NELL1: variants seen among roughly 807,000 people sequenced by gnomAD.
The protein encoded by NELL1 is neural EGFL like 1.
In NELL1, 76 loss-of-function variants were observed where a neutral mutation model predicts 107.4. That is an observed-to-expected ratio of 0.71 (90% confidence interval 0.59 to 0.86). The LOEUF is 0.86. NELL1 is among the 40% of genes least tolerant of loss of function. The probability of loss-of-function intolerance (pLI) is 0.00; values close to 1 mark genes in which losing one functional copy is unlikely to be tolerated. For synonymous variants in NELL1, 353 were observed against 341.2 expected (o/e 1.03, Z -0.38); for missense variants, 1,024 against 1,005.5 (o/e 1.02, Z -0.25).
intron 15 of NELL1, among the ~76,000 whole-genome samples, chr11:21,400,946 T>C (rs140217266): frequency 0.01 from 1,558 of 151,970 alleles, 30 homozygotes; most frequent in African/African-American, 0.035. Flanking sequence ...ATCTGGCCTG[T>C]GTCAGTTACA....
intron 3 of NELL1, among the ~76,000 whole-genome samples, chr11:20,797,626 A>G (rs1052213407): frequency 2.7e-5 from 4 of 150,622 alleles, no homozygotes; most frequent in African/African-American, 9.7e-5. Flanking sequence ...TCGAGATCCT[A>G]GATAAGAGGA....
At chr11:21,275,557 A>G (rs1848836183) in intron 14 of NELL1, among the ~76,000 whole-genome samples, 2 of 152,260 alleles carry the variant, frequency 1.3e-5, no homozygotes, top group African/African-American at 4.8e-5. Context: ...TTATGAGGCC[A>G]GCATCATCCT....
chr11:21,063,907 G>T (rs1030910736), intron 12 of NELL1, among the ~76,000 whole-genome samples: 1 of 152,202 alleles, frequency 6.6e-6, no homozygotes, highest in African/African-American at 2.4e-5. Flanking sequence ...AAAACAGATT[G>T]TCAGTGTTGG....
At chr11:21,286,914 G>C (rs1310176912) in intron 14 of NELL1, among the ~76,000 whole-genome samples, 1 of 152,054 alleles carries the variant, frequency 6.6e-6, no homozygotes, top group Non-Finnish European at 1.5e-5. Flanking sequence ...GGTTGATACC[G>C]CTACACTTTT....
intron 14 of NELL1, among the ~76,000 whole-genome samples, chr11:21,264,071 G>GGTGTGTGTGTGT (rs10525326): frequency 0.28 from 39,092 of 139,324 alleles, 5,828 homozygotes; most frequent in Non-Finnish European, 0.36. Flanking sequence ...TCTACAATGG[G>GGTGTGTGTGTGT]GTGTGTGTGT....
chr11:21,335,952 T>G (rs994637342), intron 14 of NELL1, among the ~76,000 whole-genome samples: 1 of 152,132 alleles, frequency 6.6e-6, no homozygotes, highest in Non-Finnish European at 1.5e-5. Context: ...GGCCTTAACA[T>G]AGTTTACTAC....
chr11:21,462,488 C>A (rs1407019643), intron 15 of NELL1, among the ~76,000 whole-genome samples: 1 of 151,938 alleles, frequency 6.6e-6, no homozygotes, highest in Admixed American at 6.6e-5. Flanking sequence ...GTTAAGAAGT[C>A]TCCCCTATTG....
chr11:20,938,997 A>G (rs1245016865), intron 10 of NELL1, among the ~76,000 whole-genome samples: 5 of 151,378 alleles, frequency 3.3e-5, no homozygotes, highest in Non-Finnish European at 5.9e-5. Flanking sequence ...GCAGCTGTGC[A>G]TTTCCAAAGG....
At chr11:21,208,981 T>C (rs928412799) in intron 13 of NELL1, among the ~76,000 whole-genome samples, 2 of 152,140 alleles carry the variant, frequency 1.3e-5, no homozygotes, top group African/African-American at 2.4e-5. Flanking sequence ...CAATAACTTT[T>C]TGGGCTAGAT....
chr11:21,528,378 G>C (rs1445322627), intron 15 of NELL1, among the ~76,000 whole-genome samples: 1 of 152,094 alleles, frequency 6.6e-6, no homozygotes, highest in Admixed American at 6.5e-5. Flanking sequence ...TAGCCCTCAT[G>C]CACAGAGTGA....
chr11:21,409,924 G>T (rs1945433), intron 15 of NELL1, among the ~76,000 whole-genome samples: 1 of 151,642 alleles, frequency 6.6e-6, no homozygotes, highest in East Asian at 2.0e-4. Flanking sequence ...TTAATGAAAG[G>T]CAGGAAGAAA....
intron 3 of NELL1, among the ~76,000 whole-genome samples, chr11:20,785,386 G>C (rs893032091): frequency 2.6e-5 from 4 of 152,228 alleles, no homozygotes; most frequent in African/African-American, 9.6e-5. Context: ...TCGTTCAAAG[G>C]TGTTCTGTAT....
At chr11:20,940,932 A>T (rs775525590) in intron 10 of NELL1, among the ~76,000 whole-genome samples, 3 of 152,144 alleles carry the variant, frequency 2.0e-5, no homozygotes, top group Non-Finnish European at 2.9e-5. Context: ...TGAGGTCAGG[A>T]GTTCAAGACC....
chr11:20,918,805 C>T (rs1158749108), intron 6 of NELL1, among the ~76,000 whole-genome samples: 1 of 151,962 alleles, frequency 6.6e-6, no homozygotes, highest in South Asian at 2.1e-4. Flanking sequence ...CAACCCATAT[C>T]ATTTATTGAA....
At chr11:21,340,691 C>T (rs756324640) in intron 14 of NELL1, among the ~76,000 whole-genome samples, 5 of 151,316 alleles carry the variant, frequency 3.3e-5, no homozygotes, top group Non-Finnish European at 7.4e-5. Flanking sequence ...AGAGAGAGAA[C>T]ACTCCATTTG....
At chr11:21,115,865 A>G (rs1855223888) in intron 13 of NELL1, among the ~76,000 whole-genome samples, 1 of 152,050 alleles carries the variant, frequency 6.6e-6, no homozygotes, top group Admixed American at 6.6e-5. Context: ...CAGGAATTTC[A>G]GAAATCTTGA....
rs1207140965 is a variant in NELL1 at position 21,465,775 on chromosome 11, T to C, written c.1646-68599T>C. 4.6e-5 allele frequency among the ~76,000 whole-genome samples: 7 copies of C among 152,234 alleles called. No individual in the cohort carries two copies. The East Asian group carries it at 1.4e-3, about 29-fold the overall frequency. ...CCTGAAAGCATTGTTATCACTGCTA[T>C]TGTTCATACCATTCCATTCATTCCC... is the stretch of plus-strand genomic sequence containing the variant. On this transcript the variant is annotated intron_variant, in intron 15 of 19. Transcript: ENST00000357134.
At chr11:21,401,861 A>G (rs946917079) in intron 15 of NELL1, among the ~76,000 whole-genome samples, 2 of 151,790 alleles carry the variant, frequency 1.3e-5, no homozygotes, top group Non-Finnish European at 2.9e-5. Flanking sequence ...AAGGTATGAA[A>G]TGAGATAATA....
At chr11:20,825,056 G>A (rs1857849338) in intron 3 of NELL1, among the ~76,000 whole-genome samples, 1 of 151,378 alleles carries the variant, frequency 6.6e-6, no homozygotes. Flanking sequence ...GCTTCAGAGG[G>A]TGCAAGCCCC....
Sources: allele counts gnomAD v4.1 joint callset (sites outside exome capture counted in the v4.1 genomes callset), GRCh38; gene constraint gnomAD v4.1.1; transcripts MANE v1.5; gene names NCBI Gene and HGNC (gene_info 2026-07-23, HGNC 2026-07-21).